REPS2: variants seen among roughly 807,000 people sequenced by gnomAD.
REPS2 encodes the protein ralBP1-associated Eps domain-containing protein 2.
A neutral mutation model predicts 53.6 loss-of-function variants in REPS2; 23 were observed. The ratio of observed to expected loss-of-function variants is 0.43; its 90% CI spans 0.31 to 0.61. The LOEUF (loss-of-function observed/expected upper bound fraction) is 0.61. REPS2 is among the 20% of genes least tolerant of loss of function. The probability of loss-of-function intolerance (pLI) is 0.11; values close to 1 mark genes in which losing one functional copy is unlikely to be tolerated. For synonymous variants in REPS2, 238 were observed against 218.6 expected, an observed-to-expected ratio of 1.09 and a Z score of -0.78; for missense variants, 446 against 534.9, an observed-to-expected ratio of 0.83 and a Z score of 1.64.
intron 1 of REPS2, among the ~76,000 whole-genome samples, chrX:16,973,698 G>A (rs1033841729): frequency 1.8e-5 from 2 of 111,175 alleles, no homozygotes; most frequent in African/African-American, 6.5e-5. Flanking sequence ...ATAGTACCAG[G>A]AAATCCTGTA....
At chrX:17,182,477 A>C in the REPS2 span, among the ~76,000 whole-genome samples, 1 of 111,041 alleles carries the variant, frequency 9.0e-6, no homozygotes, top group Non-Finnish European at 1.9e-5. Context: ...TGCCCTATGC[A>C]GTTGGCAGCT....
intron 13 of REPS2, among the ~76,000 whole-genome samples, chrX:17,088,939 T>C (rs2062579417): frequency 9.0e-6 from 1 of 111,606 alleles, no homozygotes; most frequent in Non-Finnish European, 1.9e-5. Flanking sequence ...GCAGATTTGG[T>C]ATCAAAGAAA....
chrX:17,042,060 A>G (rs1238374056), intron 5 of REPS2, among the ~76,000 whole-genome samples: 1 of 112,547 alleles, frequency 8.9e-6, no homozygotes, highest in African/African-American at 3.2e-5. Flanking sequence ...AATGTTTTAA[A>G]TATAAGCAAA....
chrX:17,123,254 G>C lies in REPS2; in HGVS notation c.1579-10570G>C, dbSNP rs753665847. On this transcript the variant is annotated intron_variant, in intron 14 of 17. Transcript: ENST00000357277. Reference sequence around the variant, plus strand: ...CCTTACCTGTGAGGCTCATGTTGTTGACTCTGCAGATGGTGTTATAATATG... The same window carrying C: ...CCTTACCTGTGAGGCTCATGTTGTTCACTCTGCAGATGGTGTTATAATATG... Among the ~76,000 whole-genome samples the C allele has an allele frequency of 2.0e-3, 229 of 111,725 alleles. 1 individual carries two copies. The highest frequency in any genetic ancestry group is 3.6e-3 in the Non-Finnish European group (193 of 53,125).
chrX:17,121,626 G>C (rs1039998580), intron 14 of REPS2, among the ~76,000 whole-genome samples: 1 of 112,701 alleles, frequency 8.9e-6, no homozygotes, highest in Admixed American at 9.3e-5. Flanking sequence ...GTTGCTAGGG[G>C]CAAAACTTCC....
At chrX:17,091,684 G>C (rs2062618477) in intron 13 of REPS2, among the ~76,000 whole-genome samples, 1 of 111,654 alleles carries the variant, frequency 9.0e-6, no homozygotes, top group African/African-American at 3.3e-5. Flanking sequence ...ATAGAGGCAG[G>C]TATTTCTGGA....
intron 1 of REPS2, 24 bp from the exon 2 acceptor site, chrX:17,006,197 A>AT: frequency 8.3e-7 from 1 of 1,205,007 alleles, no homozygotes; most frequent in Non-Finnish European, 1.1e-6. Context: ...GGTGTTCAGC[A>AT]TTGTTTTTCT....
At chrX:16,990,125 AC>A (rs1324889066) in intron 1 of REPS2, among the ~76,000 whole-genome samples, 1 of 112,406 alleles carries the variant, frequency 8.9e-6, no homozygotes. Context: ...AAGTACTGAT[AC>A]ATGCAATGAT....
intron 8 of REPS2, among the ~76,000 whole-genome samples, chrX:17,059,572 A>G (rs1417762291): frequency 9.1e-6 from 1 of 110,042 alleles, no homozygotes; most frequent in African/African-American, 3.3e-5. Flanking sequence ...GGTTCAAGCA[A>G]TTCTCCTGCC....
chrX:17,005,619 G>A (rs2061355078), intron 1 of REPS2, among the ~76,000 whole-genome samples: 3 of 111,623 alleles, frequency 2.7e-5, no homozygotes, highest in African/African-American at 9.8e-5. Context: ...TAACATTTGA[G>A]TTCAATCTAG....
intron 9 of REPS2, among the ~76,000 whole-genome samples, chrX:17,066,080 C>A (rs912211140): frequency 8.9e-6 from 1 of 111,747 alleles, no homozygotes; most frequent in Non-Finnish European, 1.9e-5. Flanking sequence ...ATCAACTGAC[C>A]ATAGATGTAA....
the REPS2 span, among the ~76,000 whole-genome samples, chrX:17,187,944 A>G: frequency 1.8e-5 from 2 of 112,619 alleles, no homozygotes; most frequent in South Asian, 7.4e-4. Flanking sequence ...ATAAAATTAT[A>G]TCATTTTGTA....
chrX:17,113,696 C>T (rs2148087633), intron 14 of REPS2, among the ~76,000 whole-genome samples: 1 of 110,921 alleles, frequency 9.0e-6, no homozygotes, highest in East Asian at 2.9e-4. Flanking sequence ...AAGGAAATGG[C>T]CATAGTGATA....
rs149799858 is a variant in REPS2, at chrX:17,096,235, G to A, written c.1517-7483G>A. ...CCACATGCCTCAAAGTTTTCCTGTCGGTAAAGTTCCAAGGAATTTGAGTTT... is the reference window on the plus strand; with the variant it reads ...CCACATGCCTCAAAGTTTTCCTGTCAGTAAAGTTCCAAGGAATTTGAGTTT... On this transcript the variant is annotated intron_variant, in intron 13 of 17. Transcript: ENST00000357277. Among the ~76,000 whole-genome samples the A allele has an allele frequency of 1.4e-3, 153 of 111,562 alleles. No homozygotes were observed. The East Asian group carries it at 0.023, about 17-fold the overall frequency.
chrX:17,140,735 A>ATATTAT lies in REPS2; in HGVS notation c.1914+1821_1914+1826dup, dbSNP rs199967140. ...ATGTTTATACAAAATGCATGCACAA[A>ATATTAT]TATTATTATTATTATTATTATTATT... On this transcript the variant is annotated intron_variant, in intron 17 of 17. Transcript: ENST00000357277. 9.2e-3 allele frequency among the ~76,000 whole-genome samples: 828 copies of ATATTAT among 89,620 alleles called. 5 individuals carry two copies. Among genetic ancestry groups the ATATTAT allele is most frequent in the Middle Eastern group, 0.016 (3 of 185 alleles). 77.8% of individuals were successfully genotyped at this position (89,620 alleles called of 115,157 possible). A position where few individuals can be genotyped will look rare whatever the true frequency, so the allele number is the denominator to read the frequency against.
intron 13 of REPS2, among the ~76,000 whole-genome samples, chrX:17,092,807 G>A (rs192536141): frequency 6.7e-4 from 67 of 100,152 alleles, no homozygotes; most frequent in Middle Eastern, 9.9e-3. Flanking sequence ...TCCACCATGC[G>A]ATCAAAGTAT....
At chrX:17,045,608 A>G (rs2061894608) in intron 5 of REPS2, among the ~76,000 whole-genome samples, 1 of 108,079 alleles carries the variant, frequency 9.3e-6, no homozygotes, top group African/African-American at 3.4e-5. Flanking sequence ...AAAATGATAC[A>G]TTTATTACAA....
the REPS2 span, among the ~76,000 whole-genome samples, chrX:17,176,733 C>A: frequency 8.9e-6 from 1 of 112,480 alleles, no homozygotes; most frequent in Non-Finnish European, 1.9e-5. Flanking sequence ...CATGGCTCTG[C>A]TGAAGGTCTC....
intron 2 of REPS2, among the ~76,000 whole-genome samples, chrX:17,015,836 A>G (rs1464917453): frequency 8.9e-6 from 1 of 111,809 alleles, no homozygotes; most frequent in African/African-American, 3.3e-5. Context: ...GTTGGTTCCA[A>G]GTCTTTGCTA....
Sources: allele counts gnomAD v4.1 joint callset (sites outside exome capture counted in the v4.1 genomes callset), GRCh38; gene constraint gnomAD v4.1.1; transcripts MANE v1.5; gene names NCBI Gene and HGNC (gene_info 2026-07-23, HGNC 2026-07-21).